Variants in CACNB2 observed in about 807,000 individuals in gnomAD.
CACNB2 encodes the protein calcium voltage-gated channel auxiliary subunit beta 2.
Under a neutral mutation model 73.3 loss-of-function variants are expected in CACNB2, and 42 were observed. The ratio of observed to expected loss-of-function variants is 0.57; its 90% CI spans 0.45 to 0.74. The LOEUF is 0.74. Ranked by LOEUF, CACNB2 falls within the 30% of genes least tolerant of loss-of-function variation. The pLI is 0.00. For synonymous variants in CACNB2, 348 were observed against 310.3 expected (o/e 1.12, Z -1.28); for missense variants, 940 against 853.0 (o/e 1.10, Z -1.27).
chr10:18,238,085 C>T (rs1276293428), intron 2 of CACNB2, among the ~76,000 whole-genome samples: 1 of 152,180 alleles, frequency 6.6e-6, no homozygotes, highest in Non-Finnish European at 1.5e-5. Context: ...TGTAGACTGA[C>T]TTTAGGATGG....
At chr10:18,386,915 G>A (rs1327768785) in intron 2 of CACNB2, among the ~76,000 whole-genome samples, 1 of 152,164 alleles carries the variant, frequency 6.6e-6, no homozygotes, top group African/African-American at 2.4e-5. Flanking sequence ...GATGATGAAG[G>A]ATCATGAAAG....
At chr10:18,380,452 CTTTTTTTTTTT>C (rs757792853) in intron 2 of CACNB2, among the ~76,000 whole-genome samples, 11 of 111,022 alleles carry the variant, frequency 9.9e-5, no homozygotes, top group African/African-American at 3.7e-4. Context: ...ATGTGTTTTT[CTTTTTTTTTTT>C]TTTTTTTTTG....
intron 2 of CACNB2, among the ~76,000 whole-genome samples, chr10:18,203,289 AT>A (rs1444415570): frequency 3.9e-5 from 6 of 152,210 alleles, no homozygotes; most frequent in Admixed American, 3.9e-4. Flanking sequence ...TGGTTGCAGC[AT>A]GGCAACTTTA....
At chr10:18,204,106 CCTA>C (rs1240771681) in intron 2 of CACNB2, among the ~76,000 whole-genome samples, 2 of 152,180 alleles carry the variant, frequency 1.3e-5, no homozygotes, top group Non-Finnish European at 2.9e-5. Flanking sequence ...GACAAAGAGA[CCTA>C]CTGCAGACTT....
intron 2 of CACNB2, among the ~76,000 whole-genome samples, chr10:18,152,709 C>CAAAAAAAAAAAAAAAAAAAAA (rs772732675): frequency 1.1e-3 from 54 of 49,344 alleles, no homozygotes; most frequent in Non-Finnish European, 1.6e-3. Context: ...TGAAACAGAC[C>CAAAAAAAAAAAAAAAAAAAAA]AAAAAAAAAA....
intron 2 of CACNB2, among the ~76,000 whole-genome samples, chr10:18,235,046 G>C (rs2036381230): frequency 6.6e-6 from 1 of 152,034 alleles, no homozygotes; most frequent in South Asian, 2.1e-4. Context: ...AGGAGGCTGA[G>C]GCAGGAGAAT....
In CACNB2 at chr10:18,540,271, GTACTGTA is replaced by G. The variant is rs2053995242; in HGVS notation, c.*550_*556del. The G allele has an allele frequency of 6.4e-6, 1 of 156,214 alleles. No individual in the cohort carries two copies. Among genetic ancestry groups the G allele is most frequent in the Non-Finnish European group, 1.4e-5 (1 of 70,586 alleles). 9.7% of individuals were successfully genotyped at this position (156,214 alleles called of 1,614,324 possible). A position where few individuals can be genotyped will look rare whatever the true frequency, so the allele number is the denominator to read the frequency against. ...TCTATTTTCTATGTACTAGTACTGT[GTACTGTA>G]TAGACAGTTTGTAAATGTTATTTCT... On this transcript the variant is annotated 3_prime_UTR_variant, in exon 14 of 14. Transcript: ENST00000324631.
At chr10:18,364,878 G>T (rs548663411) in intron 2 of CACNB2, among the ~76,000 whole-genome samples, 4 of 152,172 alleles carry the variant, frequency 2.6e-5, no homozygotes, top group African/African-American at 9.6e-5. Context: ...GTATAATAGG[G>T]TTTAAAAGTG....
chr10:18,270,587 C>T (rs2038010244), intron 2 of CACNB2, among the ~76,000 whole-genome samples: 2 of 152,168 alleles, frequency 1.3e-5, no homozygotes, highest in South Asian at 4.1e-4. Flanking sequence ...CTGCTTGTCT[C>T]CTTAGCCTTA....
intron 2 of CACNB2, among the ~76,000 whole-genome samples, chr10:18,365,109 A>G (rs1023997332): frequency 1.3e-5 from 2 of 152,196 alleles, no homozygotes; most frequent in African/African-American, 4.8e-5. Flanking sequence ...CCTCAGAGTT[A>G]ATTACTGACT....
chr10:18,301,055 C>G (rs2039491044), intron 2 of CACNB2, among the ~76,000 whole-genome samples: 1 of 152,158 alleles, frequency 6.6e-6, no homozygotes, highest in Admixed American at 6.5e-5. Flanking sequence ...GATGGAGACT[C>G]TCAAGGTAGA....
Position 18,140,597 on chromosome 10 carries a change from G to A in CACNB2, c.-140G>A. On this transcript the variant is annotated 5_prime_UTR_variant, in exon 1 of 14. Coordinates refer to ENST00000324631, the MANE Select transcript of CACNB2 (RefSeq NM_201596.3). ...GCAGGGCGCCGAGTCCCGGGGCGCT[G>A]CGGGGCGCTGCGCCGAGAACGGCCG... 1.7e-6 allele frequency: 1 copy of A among 581,254 alleles called. No individual in the cohort carries two copies. Among genetic ancestry groups the A allele is most frequent in the African/African-American group, 2.0e-5 (1 of 50,280 alleles). 36.0% of individuals were successfully genotyped at this position (581,254 alleles called of 1,614,324 possible). A position where few individuals can be genotyped will look rare whatever the true frequency, so the allele number is the denominator to read the frequency against.
intron 3 of CACNB2, among the ~76,000 whole-genome samples, chr10:18,417,376 T>C (rs1260056652): frequency 1.4e-5 from 2 of 145,632 alleles, no homozygotes; most frequent in African/African-American, 2.6e-5. Flanking sequence ...TTTTTTTTTT[T>C]TTTTTTTTTG....
chr10:18,234,026 T>C (rs1403010641), intron 2 of CACNB2: 1 of 152,200 alleles, frequency 6.6e-6, no homozygotes, highest in Non-Finnish European at 1.5e-5. Flanking sequence ...TTCCTGATGG[T>C]ACTTAGACAT....
chr10:18,534,125 G>A lies in CACNB2; in HGVS notation c.1104G>A (p.Leu368=). The change falls in exon 11 of 14, where the codon TTG becomes TTA. Residue 368 remains leucine (L), a synonymous_variant. Transcript: ENST00000324631. ...GGATTTTTGAACTTGCAAGAACATT[G>A]CAGTTGGTGGTCCTTGACGCGGATA... ...IERIFELART[L]QLVVLDADTI... 1 of 1,613,964 alleles carries A rather than the reference G, an allele frequency of 6.2e-7. No individual in the cohort carries two copies. Among genetic ancestry groups the A allele is most frequent in the South Asian group, 1.1e-5 (1 of 91,070 alleles).
intron 2 of CACNB2, among the ~76,000 whole-genome samples, chr10:18,217,591 A>G (rs2035564856): frequency 6.6e-6 from 1 of 152,060 alleles, no homozygotes; most frequent in South Asian, 2.1e-4. Context: ...GGGAAGTCAG[A>G]GTGTGTATTT....
At chr10:18,261,165 C>T in intron 2 of CACNB2, 1 of 1,542,706 alleles carries the variant, frequency 6.5e-7, no homozygotes, top group Non-Finnish European at 8.7e-7. Context: ...ATGCCTCTTA[C>T]CTGGGAGTAG....
intron 2 of CACNB2, among the ~76,000 whole-genome samples, chr10:18,329,042 G>C (rs774304500): frequency 1.3e-5 from 2 of 152,198 alleles, no homozygotes; most frequent in Admixed American, 6.5e-5. Context: ...AAAGGAGTGA[G>C]GGCTGCAAGT....
intron 3 of CACNB2, among the ~76,000 whole-genome samples, chr10:18,428,505 G>A (rs2045719632): frequency 1.3e-5 from 2 of 152,050 alleles, no homozygotes; most frequent in African/African-American, 4.8e-5. Flanking sequence ...TGGCCAACAT[G>A]GTGAAACCCC....
Sources: gnomAD v4.1 joint callset for allele counts (sites outside exome capture counted in the v4.1 genomes callset) on GRCh38, gnomAD v4.1.1 for gene constraint, MANE v1.5 for transcripts, NCBI Gene and HGNC (gene_info 2026-07-23, HGNC 2026-07-21) for gene names.